The following PDE10A variants were observed in gnomAD, a reference collection of about 807,000 sequenced individuals.
PDE10A encodes cAMP and cAMP-inhibited cGMP 3',5'-cyclic phosphodiesterase 10A.
PDE10A carries 39 observed loss-of-function variants against 97.7 expected under a neutral mutation model. The ratio of observed to expected loss-of-function variants is 0.40; its 90% CI spans 0.31 to 0.52. The LOEUF is 0.52. PDE10A is among the 20% of genes least tolerant of loss of function. The pLI is 0.56. For synonymous variants in PDE10A, 371 were observed against 376.8 expected (o/e 0.98, Z 0.18); for missense variants, 731 against 1,047.8 (o/e 0.70, Z 4.17).
intron 1 of PDE10A, among the ~76,000 whole-genome samples, chr6:165,923,332 T>C (rs1289291839): frequency 6.6e-6 from 1 of 152,238 alleles, no homozygotes; most frequent in Non-Finnish European, 1.5e-5. Context: ...ACTCTGTGCA[T>C]GTCTACTAGA....
chr6:165,837,350 C>A (rs1030190974), intron 1 of PDE10A, among the ~76,000 whole-genome samples: 2 of 152,126 alleles, frequency 1.3e-5, no homozygotes, highest in Admixed American at 6.5e-5. Context: ...TTGGTATAGC[C>A]ATGTATGGCC....
At chr6:165,674,682 A>G (rs1319218026) in intron 1 of PDE10A, among the ~76,000 whole-genome samples, 1 of 152,222 alleles carries the variant, frequency 6.6e-6, no homozygotes, top group Non-Finnish European at 1.5e-5. Flanking sequence ...TTATCACAGA[A>G]GGAGAGAAGC....
At chr6:165,659,942 T>G (rs1299534896) in intron 1 of PDE10A, 1 of 152,648 alleles carries the variant, frequency 6.6e-6, no homozygotes, top group Non-Finnish European at 1.5e-5. Flanking sequence ...CCCCATCATT[T>G]CAGGACCGCG....
intron 1 of PDE10A, among the ~76,000 whole-genome samples, chr6:165,930,327 T>C (rs894000740): frequency 2.0e-4 from 30 of 152,256 alleles, no homozygotes; most frequent in African/African-American, 6.7e-4. Context: ...AGAAAAGAAG[T>C]TAGGGACAAG....
chr6:165,924,871 G>C (rs1782882999), intron 1 of PDE10A, among the ~76,000 whole-genome samples: 1 of 152,172 alleles, frequency 6.6e-6, no homozygotes, highest in Admixed American at 6.5e-5. Context: ...ACAGTTCTTA[G>C]ATTGGACACC....
chr6:165,426,263 C>T (rs1789162145), intron 10 of PDE10A, among the ~76,000 whole-genome samples: 1 of 152,074 alleles, frequency 6.6e-6, no homozygotes, highest in Admixed American at 6.6e-5. Flanking sequence ...AGTTAGGGAA[C>T]TCACACTTCT....
intron 1 of PDE10A, among the ~76,000 whole-genome samples, chr6:165,680,170 C>T (rs1055096505): frequency 2.6e-5 from 4 of 151,968 alleles, no homozygotes; most frequent in African/African-American, 9.7e-5. Flanking sequence ...TCTTAAGGAA[C>T]TTAACATCTA....
chr6:165,660,076 G>A (rs1467034256), intron 1 of PDE10A: 1 of 152,370 alleles, frequency 6.6e-6, no homozygotes, highest in Non-Finnish European at 1.5e-5. Flanking sequence ...ACTGAGAAAA[G>A]CAGATGTTTA....
chr6:165,439,938 C>T (rs544690348), intron 5 of PDE10A, among the ~76,000 whole-genome samples: 3 of 152,278 alleles, frequency 2.0e-5, no homozygotes, highest in Non-Finnish European at 4.4e-5. Context: ...ACTTGGTTAA[C>T]ATTTGCTTTC....
chr6:165,657,056 C>T (rs1339607218), intron 1 of PDE10A, among the ~76,000 whole-genome samples: 1 of 152,230 alleles, frequency 6.6e-6, no homozygotes, highest in Non-Finnish European at 1.5e-5. Context: ...CTTTGAATTT[C>T]CAACACAAGT....
At chr6:165,776,231 T>C (rs573745965) in intron 1 of PDE10A, among the ~76,000 whole-genome samples, 1 of 152,386 alleles carries the variant, frequency 6.6e-6, no homozygotes, top group African/African-American at 2.4e-5. Flanking sequence ...TTATTAATTA[T>C]GCATATGTAT....
chr6:165,541,331 G>C (rs947887074), intron 2 of PDE10A, among the ~76,000 whole-genome samples: 1 of 152,014 alleles, frequency 6.6e-6, no homozygotes, highest in African/African-American at 2.4e-5. Context: ...AAAAAGTTAA[G>C]TGAGGAGGAG....
chr6:165,922,384 A>G (rs566342226), intron 1 of PDE10A, among the ~76,000 whole-genome samples: 4 of 152,272 alleles, frequency 2.6e-5, no homozygotes, highest in African/African-American at 9.6e-5. Flanking sequence ...CCTCTTACAC[A>G]AAGTGGTACA....
chr6:165,396,373 C>T lies in PDE10A; in HGVS notation c.2163G>A (p.Glu721=), dbSNP rs1786162158. Residue 721 remains glutamate (E), a synonymous_variant, in exon 14 of 22, where the codon GAG becomes GAA. Coordinates refer to ENST00000539869, the MANE Select transcript of PDE10A (RefSeq NM_001385079.1). ...GGGTGAATTGCATGAGACCTTGCCA[C>T]TCTTCTGAAGTACAAATGCTATGGT... ...LSYHSICTSE[E]WQGLMQFTLP... 1 of 1,613,506 alleles carries T rather than the reference C, an allele frequency of 6.2e-7. No individual in the cohort carries two copies. Among genetic ancestry groups the T allele is most frequent in the Non-Finnish European group, 8.5e-7 (1 of 1,179,630 alleles).
At chr6:165,983,668 A>T (rs1785088690) in intron 1 of PDE10A, among the ~76,000 whole-genome samples, 1 of 152,228 alleles carries the variant, frequency 6.6e-6, no homozygotes, top group Non-Finnish European at 1.5e-5. Context: ...AGTTGTTGGC[A>T]CTTAAAAGAT....
intron 18 of PDE10A, among the ~76,000 whole-genome samples, chr6:165,372,803 G>C (rs1183900405): frequency 6.9e-6 from 1 of 145,680 alleles, no homozygotes; most frequent in Non-Finnish European, 1.5e-5. Context: ...AAAGCTGGAG[G>C]CATCACGCTA....
chr6:165,810,751 C>T (rs1006305981), intron 1 of PDE10A, among the ~76,000 whole-genome samples: 6 of 152,082 alleles, frequency 3.9e-5, no homozygotes, highest in African/African-American at 2.4e-5. Context: ...GTTCTCTTAC[C>T]GTAAACCCCC....
rs1476649691 is a variant in PDE10A at position 165,341,102 on chromosome 6, T to C, written c.2896-1744A>G. On this transcript the variant is annotated intron_variant, in intron 19 of 21. Transcript: ENST00000539869. Reference sequence around the variant, plus strand: ...CTCAAGGCATGAGTTGGTGATGACCTGAAGAGGGGAAAGATTGTGAGGATG... The same window carrying C: ...CTCAAGGCATGAGTTGGTGATGACCCGAAGAGGGGAAAGATTGTGAGGATG... Among the ~76,000 whole-genome samples the C allele has an allele frequency of 3.3e-5, 5 of 152,208 alleles. No individual in the cohort carries two copies. In the South Asian group the frequency reaches 6.2e-4, roughly 19 times the overall value.
At chr6:165,423,691 C>T (rs1788893222) in intron 10 of PDE10A, among the ~76,000 whole-genome samples, 2 of 152,080 alleles carry the variant, frequency 1.3e-5, no homozygotes, top group African/African-American at 4.8e-5. Context: ...CATGGTGAAA[C>T]CCCGTTTCTA....
Sources: allele counts gnomAD v4.1 joint callset (sites outside exome capture counted in the v4.1 genomes callset), GRCh38; gene constraint gnomAD v4.1.1; transcripts MANE v1.5; gene names NCBI Gene and HGNC (gene_info 2026-07-23, HGNC 2026-07-21).